Variants in SCIN observed in about 807,000 individuals in gnomAD.
SCIN encodes the protein scinderin.
A neutral mutation model predicts 91.8 loss-of-function variants in SCIN; 91 were observed. The ratio of observed to expected loss-of-function variants is 0.99; its 90% CI spans 0.84 to 1.18. The LOEUF is 1.18. Ranked by LOEUF, SCIN falls within the 50% of genes most tolerant of loss-of-function variation. The probability of loss-of-function intolerance (pLI) is 0.00; values close to 1 mark genes in which losing one functional copy is unlikely to be tolerated. For missense variants in SCIN, 1,087 were observed against 863.9 expected (o/e 1.26, Z -3.24); for synonymous variants, 367 against 312.6 (o/e 1.17, Z -1.84).
chr7:12,576,404 A>G (rs1387421453), intron 1 of SCIN, among the ~76,000 whole-genome samples: 1 of 151,468 alleles, frequency 6.6e-6, no homozygotes, highest in South Asian at 2.1e-4. Context: ...GATACTTGGT[A>G]TATGAGTCTC....
chr7:12,601,492 G>A (rs934901180), intron 3 of SCIN, among the ~76,000 whole-genome samples: 5 of 152,176 alleles, frequency 3.3e-5, no homozygotes, highest in East Asian at 1.9e-4. Flanking sequence ...CTACATGGTT[G>A]ACTAGATGAA....
At chr7:12,629,794 G>T (rs1411321865) in intron 9 of SCIN, among the ~76,000 whole-genome samples, 3 of 152,078 alleles carry the variant, frequency 2.0e-5, no homozygotes, top group Non-Finnish European at 2.9e-5. Context: ...CCTGCTCAAG[G>T]AGGAAATGAT....
At position 12,651,007 on chromosome 7, in the gene SCIN, A is replaced by G. The variant is rs571560259; in HGVS notation, c.1960-834A>G. Among the ~76,000 whole-genome samples the G allele has an allele frequency of 3.9e-5, 6 of 152,220 alleles. No individual in the cohort carries two copies. Among genetic ancestry groups the G allele is most frequent in the Non-Finnish European group, 7.3e-5 (5 of 68,040 alleles). ...TCCCCTTCACTGTCCACAGGTTCAC[A>G]TAAAAATCAGTTGATAAAGGGCAGA... On this transcript the variant is annotated intron_variant, in intron 14 of 15. Transcript: ENST00000297029. The surrounding 1 kb of genome is among the most constrained non-coding windows in gnomAD (Gnocchi z 5.9).
chr7:12,610,039 G>A (rs1003366630), intron 4 of SCIN, among the ~76,000 whole-genome samples: 4 of 152,178 alleles, frequency 2.6e-5, no homozygotes, highest in South Asian at 2.1e-4. Context: ...GAATAGAATC[G>A]TGAGGGTCCT....
intron 8 of SCIN, 67 bp downstream of exon 8, chr7:12,626,866 G>T: frequency 7.4e-7 from 1 of 1,356,462 alleles, no homozygotes; most frequent in South Asian, 1.3e-5. Flanking sequence ...GGGTGGGGGA[G>T]ATCACTTGAG....
At chr7:12,607,944 GA>G (rs1450682263) in intron 4 of SCIN, among the ~76,000 whole-genome samples, 10 of 152,144 alleles carry the variant, frequency 6.6e-5, no homozygotes, top group African/African-American at 2.4e-4. Context: ...CCTCTTAACT[GA>G]AATACGGCCT....
At chr7:12,631,715 T>C (rs1783646767) in intron 9 of SCIN, among the ~76,000 whole-genome samples, 1 of 152,020 alleles carries the variant, frequency 6.6e-6, no homozygotes, top group African/African-American at 2.4e-5. Context: ...GACTTTGGAC[T>C]TCTCACCCTC....
chr7:12,590,803 G>A (rs1277691610), intron 3 of SCIN, among the ~76,000 whole-genome samples: 2 of 152,074 alleles, frequency 1.3e-5, no homozygotes, highest in Admixed American at 6.6e-5. Context: ...TAAATAAGGT[G>A]GCCATTAGTG....
At chr7:12,649,683 G>T in intron 14 of SCIN, 139 bp downstream of exon 14, 1 of 459,632 alleles carries the variant, frequency 2.2e-6, no homozygotes, top group Non-Finnish European at 3.8e-6. Context: ...ACACACATTT[G>T]GTAAAAAATG....
intron 5 of SCIN, among the ~76,000 whole-genome samples, chr7:12,624,081 T>TTCC (rs1783463573): frequency 6.6e-6 from 1 of 152,216 alleles, no homozygotes; most frequent in Admixed American, 6.5e-5. Context: ...GAGTCATAGC[T>TTCC]TCCTCTAGTG....
intron 8 of SCIN, among the ~76,000 whole-genome samples, 173 bp from the exon 9 acceptor site, chr7:12,628,928 G>A (rs1307014337): frequency 6.6e-6 from 1 of 152,130 alleles, no homozygotes; most frequent in East Asian, 1.9e-4. Flanking sequence ...TAGTTAAAAT[G>A]TCAATAAATT....
chr7:12,605,574 T>A (rs76729558), intron 4 of SCIN, among the ~76,000 whole-genome samples: 7,780 of 152,282 alleles, frequency 0.051, 203 homozygotes, highest in Middle Eastern at 0.058. Context: ...ATGCACAGCC[T>A]GAAGATAAAT....
intron 4 of SCIN, among the ~76,000 whole-genome samples, chr7:12,609,045 T>C (rs1783138635): frequency 6.6e-6 from 1 of 152,198 alleles, no homozygotes; most frequent in African/African-American, 2.4e-5. Context: ...ATTTCAGCTA[T>C]TGATCACAGT....
At chr7:12,583,507 C>T (rs935022905) in intron 3 of SCIN, among the ~76,000 whole-genome samples, 4 of 152,150 alleles carry the variant, frequency 2.6e-5, no homozygotes, top group African/African-American at 9.7e-5. Context: ...TTTCACCACA[C>T]TAAGCTAACT....
chr7:12,635,001 A>G (rs1783718986), intron 9 of SCIN, among the ~76,000 whole-genome samples: 2 of 151,794 alleles, frequency 1.3e-5, no homozygotes. Flanking sequence ...AGCCTGACCA[A>G]CGTGGTGAAA....
At chr7:12,633,177 G>C (rs1328642179) in intron 9 of SCIN, among the ~76,000 whole-genome samples, 2 of 151,958 alleles carry the variant, frequency 1.3e-5, no homozygotes, top group East Asian at 3.9e-4. Flanking sequence ...TGAGAAACTA[G>C]AATTAAATCA....
At chr7:12,607,507 C>G (rs1164541541) in intron 4 of SCIN, among the ~76,000 whole-genome samples, 2 of 152,164 alleles carry the variant, frequency 1.3e-5, no homozygotes, top group African/African-American at 4.8e-5. Context: ...TATAATTTGG[C>G]TTTAAAATAT....
At chr7:12,589,651 G>C (rs749721249) in intron 3 of SCIN, 1 of 152,216 alleles carries the variant, frequency 6.6e-6, no homozygotes. Context: ...TCTAAACCTC[G>C]ATGGTTTTGA....
In SCIN at chr7:12,651,570, C is replaced by T. The variant is rs558048798; in HGVS notation, c.1960-271C>T. 6.6e-6 allele frequency among the ~76,000 whole-genome samples: 1 copy of T among 150,740 alleles called. No individual in the cohort carries two copies. The highest frequency in any genetic ancestry group is 1.9e-4 in the East Asian group (1 of 5,146). The stretch of plus-strand genomic sequence containing the variant: ...ATCTGTTTTTTTTTGTGAAAGATCA[C>T]TTTACAAACTAGAAAGTACCATGTA... On this transcript the variant is annotated intron_variant, in intron 14 of 15. Coordinates refer to ENST00000297029, the MANE Select transcript of SCIN (RefSeq NM_001112706.3). This position sits in a 1 kb window ranked among gnomAD's most constrained non-coding sequence, Gnocchi z 5.9.
Sources: gnomAD v4.1 joint callset for allele counts (sites outside exome capture counted in the v4.1 genomes callset) on GRCh38, gnomAD v4.1.1 for gene constraint, Gnocchi (gnomAD v3.1) non-coding constraint, MANE v1.5 for transcripts, NCBI Gene and HGNC (gene_info 2026-07-23, HGNC 2026-07-21) for gene names.